ZNF385D: variants seen among roughly 807,000 people sequenced by gnomAD.
ZNF385D encodes zinc finger protein 385D.
A neutral mutation model predicts 35.8 loss-of-function variants in ZNF385D; 15 were observed. The observed-to-expected ratio is 0.42, with a 90% CI of 0.28 to 0.64. The LOEUF (loss-of-function observed/expected upper bound fraction) is 0.64. ZNF385D is among the 30% of genes least tolerant of loss of function. ZNF385D has a pLI of 0.23. For synonymous variants in ZNF385D, 212 were observed against 186.8 expected (o/e 1.13, Z -1.10); for missense variants, 474 against 494.6 (o/e 0.96, Z 0.39).
intron 4 of ZNF385D, among the ~76,000 whole-genome samples, chr3:21,462,108 T>A (rs1292837527): frequency 6.6e-6 from 1 of 152,184 alleles, no homozygotes; most frequent in Non-Finnish European, 1.5e-5. Flanking sequence ...TAGCAAAACA[T>A]ACACAAATAA....
At chr3:21,735,284 C>G (rs1351273241) in intron 1 of ZNF385D, among the ~76,000 whole-genome samples, 1 of 152,094 alleles carries the variant, frequency 6.6e-6, no homozygotes, top group Non-Finnish European at 1.5e-5. Context: ...AATAACAAGA[C>G]GATGAACCAA....
chr3:22,080,156 C>G (rs998554950), intron 3 of ZNF385D, among the ~76,000 whole-genome samples: 1 of 152,028 alleles, frequency 6.6e-6, no homozygotes, highest in African/African-American at 2.4e-5. Flanking sequence ...ATGTGCCTGT[C>G]TATGTCTTTA....
intron 2 of ZNF385D, among the ~76,000 whole-genome samples, chr3:22,195,225 G>A (rs1696331066): frequency 6.6e-6 from 1 of 151,806 alleles, no homozygotes; most frequent in Non-Finnish European, 1.5e-5. Context: ...AATGACTAAT[G>A]ATATTGAACA....
chr3:21,437,958 C>T (rs1470890171), intron 4 of ZNF385D, among the ~76,000 whole-genome samples: 1 of 152,032 alleles, frequency 6.6e-6, no homozygotes, highest in Non-Finnish European at 1.5e-5. Flanking sequence ...GCAGGATGGC[C>T]ACACCATGCT....
At chr3:22,309,952 C>A (rs1486187172) in intron 2 of ZNF385D, among the ~76,000 whole-genome samples, 1 of 151,868 alleles carries the variant, frequency 6.6e-6, no homozygotes, top group Admixed American at 6.6e-5. Context: ...CGCTAATTCC[C>A]AATAAAGCCA....
At chr3:21,999,222 G>C (rs79224354) in intron 3 of ZNF385D, among the ~76,000 whole-genome samples, 2 of 152,084 alleles carry the variant, frequency 1.3e-5, no homozygotes, top group African/African-American at 4.8e-5. Context: ...ATGTCAAATA[G>C]CAAGGATATT....
At chr3:21,802,559 A>AC in intron 3 of ZNF385D, among the ~76,000 whole-genome samples, 1 of 152,198 alleles carries the variant, frequency 6.6e-6, no homozygotes, top group East Asian at 1.9e-4. Context: ...TGATTTAAAA[A>AC]AAAATAGCAT....
intron 2 of ZNF385D, among the ~76,000 whole-genome samples, chr3:21,597,149 T>G (rs1336681926): frequency 6.6e-6 from 1 of 152,192 alleles, no homozygotes; most frequent in African/African-American, 2.4e-5. Flanking sequence ...AAGCTATGTT[T>G]TAATATAAGG....
At chr3:22,149,024 G>A (rs973373726) in intron 3 of ZNF385D, among the ~76,000 whole-genome samples, 40 of 152,106 alleles carry the variant, frequency 2.6e-4, no homozygotes, top group African/African-American at 8.4e-4. Context: ...AGTAAAGGGT[G>A]CCATGGGCTG....
At chr3:21,900,411 C>T (rs1277019005) in intron 3 of ZNF385D, among the ~76,000 whole-genome samples, 1 of 151,972 alleles carries the variant, frequency 6.6e-6, no homozygotes, top group African/African-American at 2.4e-5. Flanking sequence ...ACATTGTGAC[C>T]TCTTTATAAT....
At chr3:21,908,170 CTAT>C (rs1699793600) in intron 3 of ZNF385D, among the ~76,000 whole-genome samples, 4 of 141,342 alleles carry the variant, frequency 2.8e-5, no homozygotes, top group African/African-American at 1.0e-4. Context: ...ATCTATCTAT[CTAT>C]ATATGTATAA....
intron 4 of ZNF385D, among the ~76,000 whole-genome samples, chr3:21,482,020 T>A (rs567615674): frequency 6.6e-6 from 1 of 152,238 alleles, no homozygotes; most frequent in Admixed American, 6.5e-5. Context: ...GTCCTGGGTG[T>A]TTTTTTCTGA....
exon 2 of ZNF385D, chr3:22,372,573 C>T (rs1029950506): frequency 1.1e-5 from 11 of 983,040 alleles, no homozygotes; most frequent in Non-Finnish European, 1.3e-5. Context: ...GAGCAGCCGC[C>T]GGGGCTGGCT....
intron 3 of ZNF385D, among the ~76,000 whole-genome samples, chr3:22,042,360 T>C (rs1035425339): frequency 2.0e-5 from 3 of 152,154 alleles, no homozygotes; most frequent in Non-Finnish European, 2.9e-5. Flanking sequence ...TTATTATTAC[T>C]ATACAGTTGA....
At chr3:21,467,206 C>T (rs1398309851) in intron 4 of ZNF385D, among the ~76,000 whole-genome samples, 1 of 152,160 alleles carries the variant, frequency 6.6e-6, no homozygotes, top group Non-Finnish European at 1.5e-5. Flanking sequence ...ATTTACTTTC[C>T]TATTGCTTGA....
At position 22,112,065 on chromosome 3, in the gene ZNF385D, C is replaced by A. The variant is rs950636011; in HGVS notation, c.325+56752G>T. Among the ~76,000 whole-genome samples the A allele has an allele frequency of 7.2e-5, 11 of 152,278 alleles. 2 individuals carry two copies. The South Asian group carries it at 2.1e-3, about 29-fold the overall frequency. Reference sequence around the variant, plus strand: ...AAGGACCACAACAAAATTTACTTTACTTGAGCACTGATAAAGAGCAGTCAA... The same window carrying A: ...AAGGACCACAACAAAATTTACTTTAATTGAGCACTGATAAAGAGCAGTCAA... On this transcript the variant is annotated intron_variant, in intron 3 of 5. Coordinates refer to the ZNF385D transcript ENST00000494108.
At chr3:21,808,630 T>A (rs781320097) in intron 3 of ZNF385D, among the ~76,000 whole-genome samples, 34 of 152,328 alleles carry the variant, frequency 2.2e-4, no homozygotes, top group Admixed American at 3.9e-4. Context: ...CAATTATTCC[T>A]CTCCTGCCGG....
At chr3:21,936,530 CACAT>C (rs1350558238) in intron 3 of ZNF385D, among the ~76,000 whole-genome samples, 8 of 151,930 alleles carry the variant, frequency 5.3e-5, no homozygotes, top group Admixed American at 3.3e-4. Context: ...TCTCATGGAA[CACAT>C]AGTTTTTTTT....
intron 3 of ZNF385D, among the ~76,000 whole-genome samples, chr3:22,103,634 T>C (rs1171826637): frequency 6.6e-6 from 1 of 151,242 alleles, no homozygotes; most frequent in Admixed American, 6.6e-5. Context: ...GACAACTGAG[T>C]CCTATTTTGC....
Sources: allele counts gnomAD v4.1 joint callset (sites outside exome capture counted in the v4.1 genomes callset), GRCh38; gene constraint gnomAD v4.1.1; transcripts MANE v1.5; gene names NCBI Gene and HGNC (gene_info 2026-07-23, HGNC 2026-07-21).